SRGAP2C: variants seen among roughly 807,000 people sequenced by gnomAD.
SRGAP2C encodes the protein SLIT-ROBO Rho GTPase activating protein 2C.
Under a neutral mutation model 25.1 loss-of-function variants are expected in SRGAP2C, and 15 were observed. The ratio of observed to expected loss-of-function variants is 0.60; its 90% CI spans 0.40 to 0.92. SRGAP2C has a LOEUF of 0.92. Ranked by LOEUF, SRGAP2C falls within the 40% of genes least tolerant of loss-of-function variation. The pLI is 0.00. For synonymous variants in SRGAP2C, 44 were observed against 96.6 expected (o/e 0.46, Z 3.19); for missense variants, 144 against 264.4 (o/e 0.54, Z 3.16).
At chr1:121,259,831 TTTC>T (rs372036850) in intron 2 of SRGAP2C, among the ~76,000 whole-genome samples, 21 of 148,852 alleles carry the variant, frequency 1.4e-4, no homozygotes, top group Admixed American at 8.1e-4. Context: ...TTTTTTCTTC[TTTC>T]TTCTTCTACT....
At chr1:121,274,738 C>G (rs1195285764) in intron 2 of SRGAP2C, among the ~76,000 whole-genome samples, 19 of 103,694 alleles carry the variant, frequency 1.8e-4, no homozygotes, top group Non-Finnish European at 4.0e-5. Context: ...GATTTTTACT[C>G]TCCTTGAGCT....
chr1:121,354,325 TCTTTTCTTTCTCTCTCTC>T (rs1430996525), intron 4 of SRGAP2C, among the ~76,000 whole-genome samples: 1 of 66,098 alleles, frequency 1.5e-5, no homozygotes, highest in Non-Finnish European at 2.9e-5. Context: ...TTTCTTTCTT[TCTTTTCTTTCTCTCTCTC>T]TCTTTCTCTC....
intron 3 of SRGAP2C, among the ~76,000 whole-genome samples, chr1:121,320,734 A>G: frequency 6.6e-6 from 1 of 152,298 alleles, no homozygotes; most frequent in East Asian, 1.9e-4. Flanking sequence ...GATGGAAAAA[A>G]GAAGATACTT....
chr1:121,308,939 CAAA>C (rs1282103321), intron 3 of SRGAP2C, among the ~76,000 whole-genome samples: 18 of 30,624 alleles, frequency 5.9e-4, no homozygotes, highest in Admixed American at 7.3e-4. Context: ...AACTCTGTCT[CAAA>C]AAAAAAAAAA....
intron 2 of SRGAP2C, among the ~76,000 whole-genome samples, chr1:121,259,587 AT>A (rs1459317268): frequency 6.6e-6 from 1 of 151,382 alleles, no homozygotes; most frequent in East Asian, 1.9e-4. Context: ...TCATTTATTC[AT>A]TCACTCATCT....
At chr1:121,212,507 G>A (rs1287164024) in intron 2 of SRGAP2C, among the ~76,000 whole-genome samples, 1 of 151,524 alleles carries the variant, frequency 6.6e-6, no homozygotes, top group African/African-American at 2.4e-5. Context: ...TGTATGGGGA[G>A]CTCTGATTCT....
chr1:121,384,828 A>G (rs587641450), intron 8 of SRGAP2C, among the ~76,000 whole-genome samples: 56 of 152,314 alleles, frequency 3.7e-4, no homozygotes, highest in African/African-American at 1.3e-3. Flanking sequence ...CAAAGCATAC[A>G]TCATCATCAG....
In SRGAP2C at chr1:121,190,709, AC is replaced by A. The variant is rs1381351888; in HGVS notation, c.67+3199del. Among the ~76,000 whole-genome samples the A allele has an allele frequency of 4.9e-5, 7 of 143,594 alleles. No homozygotes were observed. In the South Asian group the frequency reaches 1.7e-3, roughly 34 times the overall value. The allele number at this position is 143,594 out of a possible 152,430, so 94.2% of individuals were successfully genotyped here. A position where few individuals can be genotyped will look rare whatever the true frequency, so the allele number is the denominator to read the frequency against. On this transcript the variant is annotated intron_variant, in intron 2 of 9. Transcript: ENST00000367123. ...AAAACATCTTGGGTCAGTCACTTAA[AC>A]CCTCTGGACATCAGTTTCTTTTTCT...
intron 4 of SRGAP2C, among the ~76,000 whole-genome samples, chr1:121,347,285 A>G (rs1658770408): frequency 9.6e-6 from 1 of 103,898 alleles, no homozygotes; most frequent in Admixed American, 1.1e-4. Context: ...GAGAGTGCAG[A>G]CTAGGAGAAA....
intron 4 of SRGAP2C, among the ~76,000 whole-genome samples, chr1:121,347,675 TAGA>T (rs1658781796): frequency 6.6e-6 from 1 of 152,216 alleles, no homozygotes; most frequent in African/African-American, 2.4e-5. Flanking sequence ...ATCTACAAGC[TAGA>T]AGGACATCTT....
At chr1:121,230,528 TG>T (rs1285869609) in intron 2 of SRGAP2C, among the ~76,000 whole-genome samples, 1 of 124,174 alleles carries the variant, frequency 8.1e-6, no homozygotes, top group Non-Finnish European at 1.7e-5. Context: ...TAATAAACAC[TG>T]GGCTCATGGT....
chr1:121,303,547 T>C (rs1657746385), intron 3 of SRGAP2C, among the ~76,000 whole-genome samples: 1 of 151,062 alleles, frequency 6.6e-6, no homozygotes, highest in South Asian at 2.1e-4. Context: ...TCGGTTGCTT[T>C]TAGTGGGAAA....
chr1:121,312,580 C>T (rs2101597570), intron 3 of SRGAP2C, among the ~76,000 whole-genome samples: 1 of 115,442 alleles, frequency 8.7e-6, no homozygotes, highest in South Asian at 3.0e-4. Context: ...AAATTTCCCT[C>T]TACACACTGC....
At chr1:121,321,878 C>G (rs1370702130) in intron 3 of SRGAP2C, among the ~76,000 whole-genome samples, 7 of 152,182 alleles carry the variant, frequency 4.6e-5, no homozygotes, top group Non-Finnish European at 1.0e-4. Flanking sequence ...ATTTTGCCTC[C>G]TCTGCTTCCT....
intron 2 of SRGAP2C, among the ~76,000 whole-genome samples, chr1:121,191,474 C>G (rs587699856): frequency 2.3e-4 from 34 of 149,118 alleles, no homozygotes; most frequent in African/African-American, 7.9e-4. Context: ...GTTGAATCTG[C>G]AGATATGGAA....
chr1:121,298,254 A>G (rs1386664490), intron 3 of SRGAP2C, among the ~76,000 whole-genome samples: 1 of 151,892 alleles, frequency 6.6e-6, no homozygotes, highest in Non-Finnish European at 1.5e-5. Flanking sequence ...GCTCATAATC[A>G]TGAAGAGGAA....
At chr1:121,228,811 C>G (rs1655746630) in intron 2 of SRGAP2C, among the ~76,000 whole-genome samples, 1 of 150,892 alleles carries the variant, frequency 6.6e-6, no homozygotes, top group Non-Finnish European at 1.5e-5. Context: ...CAGTATCTGT[C>G]AAGATGCTGG....
intron 3 of SRGAP2C, among the ~76,000 whole-genome samples, chr1:121,310,356 T>C (rs1553339920): frequency 4.7e-5 from 6 of 127,360 alleles, no homozygotes; most frequent in Admixed American, 8.2e-5. Context: ...TGCAAAAATT[T>C]TCTCCCATGT....
At chr1:121,374,665 C>T (rs1331808961) in intron 6 of SRGAP2C, among the ~76,000 whole-genome samples, 161 bp from the exon 7 acceptor site, 3 of 152,112 alleles carry the variant, frequency 2.0e-5, no homozygotes, top group Admixed American at 6.6e-5. Flanking sequence ...TACATTGTGC[C>T]CTTGAATCTC....
Sources: allele counts gnomAD v4.1 joint callset (sites outside exome capture counted in the v4.1 genomes callset), GRCh38; gene constraint gnomAD v4.1.1; transcripts MANE v1.5; gene names NCBI Gene and HGNC (gene_info 2026-07-23, HGNC 2026-07-21).